HPGDS: variants seen among roughly 807,000 people sequenced by gnomAD.
The protein encoded by HPGDS is GST class-sigma.
Under a neutral mutation model 23.1 loss-of-function variants are expected in HPGDS, and 26 were observed. The observed-to-expected ratio is 1.13, with a 90% CI of 0.83 to 1.56. The LOEUF is 1.56. Ranked by LOEUF, HPGDS falls within the 40% of genes most tolerant of loss-of-function variation. The pLI is 0.00. For missense variants in HPGDS, 268 were observed against 236.4 expected (o/e 1.13, Z -0.88); for synonymous variants, 95 against 77.9 (o/e 1.22, Z -1.16).
At chr4:94,325,053 C>A (rs1387015931) in intron 2 of HPGDS, among the ~76,000 whole-genome samples, 1 of 152,198 alleles carries the variant, frequency 6.6e-6, no homozygotes, top group Non-Finnish European at 1.5e-5. Context: ...GCTGGAGGTC[C>A]ACTCCAGACC....
rs1032152399 is a variant in HPGDS, at chr4:94,324,815, C to T, written c.134-6850G>A. On this transcript the variant is annotated intron_variant, in intron 2 of 5. Coordinates refer to ENST00000295256, the MANE Select transcript of HPGDS (RefSeq NM_014485.3). ...TTGTTCCATTGCTCGCAAGGAGCTG[C>T]GATCCTTTGGACAAGAAGGGGTGTT... Among the ~76,000 whole-genome samples the T allele has an allele frequency of 3.3e-5, 5 of 152,300 alleles. No individual in the cohort carries two copies. In the South Asian group the frequency reaches 6.2e-4, roughly 19 times the overall value.
intron 2 of HPGDS, among the ~76,000 whole-genome samples, chr4:94,323,042 G>A (rs1756549373): frequency 1.3e-5 from 2 of 152,226 alleles, no homozygotes; most frequent in Admixed American, 6.5e-5. Context: ...TTCAGGAGCA[G>A]GTTGTTCAGT....
intron 3 of HPGDS, among the ~76,000 whole-genome samples, chr4:94,317,347 C>T (rs1756417804): frequency 6.6e-6 from 1 of 152,126 alleles, no homozygotes; most frequent in Admixed American, 6.5e-5. Flanking sequence ...CTTCCAATAC[C>T]ATGGGTGTGG....
chr4:94,331,260 G>A (rs899820817), intron 2 of HPGDS, among the ~76,000 whole-genome samples: 3 of 152,122 alleles, frequency 2.0e-5, no homozygotes, highest in African/African-American at 7.2e-5. Context: ...TATTTAGTTT[G>A]CTATTACAGT....
At chr4:94,322,123 C>G (rs1353246166) in intron 2 of HPGDS, among the ~76,000 whole-genome samples, 1 of 152,106 alleles carries the variant, frequency 6.6e-6, no homozygotes, top group African/African-American at 2.4e-5. Context: ...CCAGCTTGAT[C>G]TTGGTGGATA....
intron 2 of HPGDS, among the ~76,000 whole-genome samples, chr4:94,333,989 T>C (rs771045454): frequency 1.3e-5 from 2 of 152,190 alleles, no homozygotes; most frequent in Non-Finnish European, 2.9e-5. Context: ...AAAGAATGGT[T>C]ATAAGGGCAA....
At position 94,299,385 on chromosome 4, in the gene HPGDS, G is replaced by T; in HGVS notation, c.*95C>A. On this transcript the variant is annotated 3_prime_UTR_variant, in exon 6 of 6. Coordinates refer to ENST00000295256, the MANE Select transcript of HPGDS (RefSeq NM_014485.3). ...TGAAAATCTTAGTGGAGCTGGGGAGGGAGCATGTGGATTATCTGGCAGGCT... is the reference window on the plus strand; with the variant it reads ...TGAAAATCTTAGTGGAGCTGGGGAGTGAGCATGTGGATTATCTGGCAGGCT... 1 of 1,027,394 alleles carries T rather than the reference G, an allele frequency of 9.7e-7. No homozygotes were observed. Among genetic ancestry groups the T allele is most frequent in the Non-Finnish European group, 1.4e-6 (1 of 723,646 alleles). 63.6% of individuals were successfully genotyped at this position (1,027,394 alleles called of 1,614,324 possible). A position where few individuals can be genotyped will look rare whatever the true frequency, so the allele number is the denominator to read the frequency against.
chr4:94,309,857 G>A (rs1457024015), intron 3 of HPGDS, among the ~76,000 whole-genome samples: 3 of 152,248 alleles, frequency 2.0e-5, no homozygotes, highest in East Asian at 3.9e-4. Flanking sequence ...TTGTGGTTTT[G>A]ATTTACATTT....
chr4:94,322,158 C>T (rs1203287505), intron 2 of HPGDS, among the ~76,000 whole-genome samples: 2 of 152,052 alleles, frequency 1.3e-5, no homozygotes, highest in Non-Finnish European at 2.9e-5. Context: ...TTGCTGGATT[C>T]GGTTTGCCAG....
intron 1 of HPGDS, among the ~76,000 whole-genome samples, chr4:94,336,905 G>T (rs957524461): frequency 6.6e-6 from 1 of 152,024 alleles, no homozygotes; most frequent in South Asian, 2.1e-4. Flanking sequence ...AGCCTACAGA[G>T]TGGAAAAAGT....
intron 2 of HPGDS, among the ~76,000 whole-genome samples, chr4:94,333,114 G>C (rs910292139): frequency 6.6e-6 from 1 of 152,204 alleles, no homozygotes; most frequent in Non-Finnish European, 1.5e-5. Context: ...TTCTAGCAGA[G>C]GGAGTGTCGT....
chr4:94,337,675 G>A lies in HPGDS; in HGVS notation c.-9-3037C>T, dbSNP rs374382194. ...GGGGGACAGGGCAAGACTCCATCTC[G>A]AAAAAAGAAAAAAAAGTTAACAGCA... On this transcript the variant is annotated intron_variant, in intron 1 of 5. Coordinates refer to ENST00000295256, the MANE Select transcript of HPGDS (RefSeq NM_014485.3). Among the ~76,000 whole-genome samples the A allele has an allele frequency of 4.0e-5, 6 of 151,086 alleles. No individual in the cohort carries two copies. In the East Asian group the frequency reaches 7.8e-4, roughly 20 times the overall value.
At chr4:94,320,502 G>C (rs921597610) in intron 2 of HPGDS, among the ~76,000 whole-genome samples, 4 of 152,126 alleles carry the variant, frequency 2.6e-5, no homozygotes, top group Admixed American at 6.5e-5. Context: ...TTGCATTTCT[G>C]TGATGACCAG....
intron 1 of HPGDS, among the ~76,000 whole-genome samples, chr4:94,339,973 G>T (rs956005339): frequency 6.6e-6 from 1 of 152,078 alleles, no homozygotes; most frequent in Non-Finnish European, 1.5e-5. Flanking sequence ...CGCTATGATG[G>T]TGAGGTCTCC....
intron 2 of HPGDS, among the ~76,000 whole-genome samples, chr4:94,329,330 GA>G (rs1189415815): frequency 1.3e-5 from 2 of 152,156 alleles, no homozygotes; most frequent in African/African-American, 4.8e-5. Context: ...AGGTCACTTG[GA>G]ACCCTTGCTC....
intron 1 of HPGDS, among the ~76,000 whole-genome samples, chr4:94,335,366 A>T (rs761553331): frequency 5.9e-5 from 9 of 152,226 alleles, no homozygotes; most frequent in Admixed American, 2.6e-4. Context: ...ATACCGACGA[A>T]TTCAGTCATT....
chr4:94,316,657 CAT>C (rs1462025784), intron 3 of HPGDS, among the ~76,000 whole-genome samples: 1 of 152,204 alleles, frequency 6.6e-6, no homozygotes, highest in Non-Finnish European at 1.5e-5. Context: ...ATTTGAAGTT[CAT>C]TCTTCTTCTC....
chr4:94,310,000 GT>G (rs1195705871), intron 3 of HPGDS, among the ~76,000 whole-genome samples: 1 of 152,170 alleles, frequency 6.6e-6, no homozygotes, highest in African/African-American at 2.4e-5. Flanking sequence ...ATGCAAATAT[GT>G]TTGAGTTCTT....
intron 4 of HPGDS, among the ~76,000 whole-genome samples, chr4:94,305,669 C>G (rs544076788): frequency 2.6e-5 from 4 of 152,134 alleles, no homozygotes; most frequent in African/African-American, 9.6e-5. Flanking sequence ...GGTTAAGAAC[C>G]TGGGGTTTGA....
Sources: allele counts gnomAD v4.1 joint callset (sites outside exome capture counted in the v4.1 genomes callset), GRCh38; gene constraint gnomAD v4.1.1; transcripts MANE v1.5; gene names NCBI Gene and HGNC (gene_info 2026-07-23, HGNC 2026-07-21).